The following TUT4 variants were observed in gnomAD, a reference collection of about 807,000 sequenced individuals.
The protein encoded by TUT4 is terminal uridylyl transferase 4, also known as terminal uridylyltransferase 4.
Under a neutral mutation model 192.2 loss-of-function variants are expected in TUT4, and 36 were observed. The observed-to-expected ratio is 0.19, with a 90% CI of 0.14 to 0.25. The LOEUF is 0.25. TUT4 is among the 10% of genes least tolerant of loss of function. The pLI is 1.00. For missense variants in TUT4, 1,493 were observed against 1,957.2 expected, an observed-to-expected ratio of 0.76 and a Z score of 4.47; for synonymous variants, 618 against 666.0, an observed-to-expected ratio of 0.93 and a Z score of 1.11.
intron 1 of TUT4, among the ~76,000 whole-genome samples, chr1:52,551,290 G>GT (rs1689359323): frequency 1.3e-5 from 2 of 152,082 alleles, no homozygotes; most frequent in Admixed American, 1.3e-4. Flanking sequence ...AACATCAAAT[G>GT]TCATTAACTT....
Position 52,533,631 on chromosome 1 carries a change from C to A in TUT4, c.-93-7258G>T, listed in dbSNP as rs182020982. ...CTTTTTAGCTCTTCCATGATTTATT[C>A]CCTTGTTTTTGGTGGAACATACCCT... On this transcript the variant is annotated intron_variant, in intron 1 of 29. Coordinates refer to ENST00000257177, the MANE Select transcript of TUT4 (RefSeq NM_001009881.3). Among the ~76,000 whole-genome samples, 8 of 152,174 alleles carry A rather than the reference C, an allele frequency of 5.3e-5. No individual in the cohort carries two copies. In the South Asian group the frequency reaches 8.3e-4, roughly 16 times the overall value.
chr1:52,479,716 C>T (rs976368899), intron 11 of TUT4, among the ~76,000 whole-genome samples: 4 of 152,094 alleles, frequency 2.6e-5, no homozygotes, highest in Admixed American at 1.3e-4. Flanking sequence ...ATTAGACGGC[C>T]GGGCGCGGAG....
chr1:52,523,948 A>G (rs896316896), intron 2 of TUT4, among the ~76,000 whole-genome samples: 3 of 152,234 alleles, frequency 2.0e-5, no homozygotes, highest in African/African-American at 7.2e-5. Flanking sequence ...CTACATCAAG[A>G]TAACGCTGTA....
chr1:52,497,228 T>C (rs775894368), intron 4 of TUT4, 45 bp from the exon 5 acceptor site: 5 of 1,506,094 alleles, frequency 3.3e-6, no homozygotes, highest in South Asian at 2.7e-5. Flanking sequence ...AAAAAGTTTC[T>C]ATTTTAATTG....
At chr1:52,484,243 A>C (rs1372979929) in intron 9 of TUT4, among the ~76,000 whole-genome samples, 6 of 152,220 alleles carry the variant, frequency 3.9e-5, no homozygotes, top group Admixed American at 3.9e-4. Context: ...AAATTTTAAA[A>C]ACTAAAAATA....
chr1:52,452,213 A>G (rs1211111179), intron 20 of TUT4, among the ~76,000 whole-genome samples: 1 of 152,166 alleles, frequency 6.6e-6, no homozygotes, highest in African/African-American at 2.4e-5. Context: ...CCTCAACAAA[A>G]TATTAGCAAA....
At position 52,424,012 on chromosome 1, in the gene TUT4, A is replaced by G. The variant is rs1648917099; in HGVS notation, c.4871-10T>C. ...CGGGTGGCACATCTGTCTGTTGGAT[A>G]CAACACAGACAGGAAACTGAAAGGC... On this transcript the variant is annotated splice_polypyrimidine_tract_variant and intron_variant, in intron 29 of 29. Transcript: ENST00000257177. 2.5e-6 allele frequency: 4 copies of G among 1,605,316 alleles called. No homozygotes were observed. Among genetic ancestry groups the G allele is most frequent in the African/African-American group, 2.7e-5 (2 of 74,894 alleles).
chr1:52,537,315 CAA>C (rs144983952), intron 1 of TUT4, among the ~76,000 whole-genome samples: 6,182 of 151,918 alleles, frequency 0.041, 423 homozygotes, highest in African/African-American at 0.14. Context: ...CAAAGAGTAA[CAA>C]AGAGAGAGCT....
At position 52,466,005 on chromosome 1, in the gene TUT4, C is replaced by T. The variant is rs1004103236; in HGVS notation, c.2966-832G>A. ...AAGCAATACTCCCACCTCAACCTCC[C>T]AAGTGGCTGAGATAACAGGTGTGTG... On this transcript the variant is annotated intron_variant, in intron 15 of 29. Transcript: ENST00000257177. 2.0e-5 allele frequency among the ~76,000 whole-genome samples: 3 copies of T among 152,120 alleles called. No homozygotes were observed. In the South Asian group the frequency reaches 6.2e-4, roughly 31 times the overall value.
intron 1 of TUT4, among the ~76,000 whole-genome samples, chr1:52,532,296 T>C (rs1051356664): frequency 6.6e-6 from 1 of 152,058 alleles, no homozygotes. Flanking sequence ...TATTTCTAAA[T>C]AACATGCTTA....
intron 28 of TUT4, among the ~76,000 whole-genome samples, chr1:52,429,152 C>T (rs1305661830): frequency 1.4e-5 from 2 of 145,070 alleles, no homozygotes; most frequent in Non-Finnish European, 3.0e-5. Context: ...GGCACGATCT[C>T]GGCTCACTGC....
At chr1:52,447,491 G>C (rs551086177) in intron 20 of TUT4, among the ~76,000 whole-genome samples, 2 of 150,680 alleles carry the variant, frequency 1.3e-5, no homozygotes, top group Admixed American at 6.6e-5. Flanking sequence ...AAAAAAAAAG[G>C]AAAATTAGGA....
rs143625963 is a variant in TUT4, at chr1:52,475,526, G to A, written c.2033C>T (p.Ser678Leu). The A allele has an allele frequency of 1.5e-4, 241 of 1,609,610 alleles. No individual in the cohort carries two copies. In the African/African-American group the frequency reaches 2.8e-3, roughly 19 times the overall value. ...GCTCCGTGCAACATTCCTCTTGACT[G>A]AAAATGGATCTAGCAAAAGAGAAAA... ...KRRIAIEDPFSVKRNVARSLN... is the reference protein window; with the variant it reads ...KRRIAIEDPFLVKRNVARSLN... Residue 678 changes from serine (S) to leucine (L), a missense_variant, in exon 13 of 30, where the codon TCA becomes TTA. Transcript: ENST00000257177.
chr1:52,547,805 C>T (rs867906433), intron 1 of TUT4, among the ~76,000 whole-genome samples: 4 of 152,120 alleles, frequency 2.6e-5, no homozygotes, highest in Non-Finnish European at 5.9e-5. Context: ...ATGTAATGTC[C>T]ATAATTTCTA....
intron 6 of TUT4, among the ~76,000 whole-genome samples, chr1:52,494,119 T>A (rs887930911): frequency 2.6e-5 from 4 of 152,130 alleles, no homozygotes; most frequent in Non-Finnish European, 5.9e-5. Context: ...TACTTTTATG[T>A]CAACAAATCT....
At chr1:52,526,488 TAAAA>T (rs11309315) in intron 1 of TUT4, 115 bp from the exon 2 acceptor site, 6 of 229,296 alleles carry the variant, frequency 2.6e-5, no homozygotes, top group Non-Finnish European at 3.1e-5. Context: ...AAGAAATTGT[TAAAA>T]AAAAAAAAAA....
intron 28 of TUT4, among the ~76,000 whole-genome samples, chr1:52,428,250 G>A (rs1650651817): frequency 6.6e-6 from 1 of 152,182 alleles, no homozygotes; most frequent in African/African-American, 2.4e-5. Flanking sequence ...CACTTTGGGA[G>A]GCCAAGGCAG....
chr1:52,473,013 A>T (rs1202150689), intron 13 of TUT4, among the ~76,000 whole-genome samples: 2 of 152,122 alleles, frequency 1.3e-5, no homozygotes, highest in East Asian at 3.8e-4. Flanking sequence ...AGCTTTTTTT[A>T]AAAAATGACA....
At chr1:52,508,136 T>G (rs548938871) in intron 4 of TUT4, among the ~76,000 whole-genome samples, 2 of 151,992 alleles carry the variant, frequency 1.3e-5, no homozygotes, top group South Asian at 2.1e-4. Context: ...CTTTTTAAGT[T>G]TCTTGCTTGC....
Sources: gnomAD v4.1 joint callset for allele counts (sites outside exome capture counted in the v4.1 genomes callset) on GRCh38, gnomAD v4.1.1 for gene constraint, MANE v1.5 for transcripts, NCBI Gene and HGNC (gene_info 2026-07-23, HGNC 2026-07-21) for gene names.